The following ASPH variants were observed in gnomAD, a reference collection of about 807,000 sequenced individuals.
The protein encoded by ASPH is aspartate beta-hydroxylase, also known as aspartyl/asparaginyl beta-hydroxylase.
A neutral mutation model predicts 118.4 loss-of-function variants in ASPH; 100 were observed. The observed-to-expected ratio is 0.84, with a 90% confidence interval of 0.72 to 1.00. ASPH has a LOEUF of 1.00. ASPH is among the 50% of genes least tolerant of loss of function. ASPH has a pLI of 0.00. For missense variants in ASPH, 920 were observed against 919.5 expected, an observed-to-expected ratio of 1.00 and a Z score of -0.01; for synonymous variants, 315 against 325.6, an observed-to-expected ratio of 0.97 and a Z score of 0.35.
At chr8:61,566,554 T>C (rs1354900521) in intron 17 of ASPH, among the ~76,000 whole-genome samples, 1 of 152,250 alleles carries the variant, frequency 6.6e-6, no homozygotes, top group Non-Finnish European at 1.5e-5. Context: ...TGAAAAAAGT[T>C]CTGTAGGCAA....
chr8:61,713,393 C>T (rs1260809845), intron 1 of ASPH, among the ~76,000 whole-genome samples: 1 of 152,170 alleles, frequency 6.6e-6, no homozygotes, highest in Non-Finnish European at 1.5e-5. Flanking sequence ...GATTCATTTT[C>T]TTGGTATATT....
chr8:61,665,549 T>C, intron 3 of ASPH: 1 of 1,589,220 alleles, frequency 6.3e-7, no homozygotes, highest in Non-Finnish European at 8.6e-7. Flanking sequence ...CTTACTTTCC[T>C]TCCTTGACTC....
chr8:61,622,171 C>T (rs1444955261), intron 13 of ASPH, among the ~76,000 whole-genome samples: 1 of 152,112 alleles, frequency 6.6e-6, no homozygotes, highest in Non-Finnish European at 1.5e-5. Context: ...AACCCTGTCT[C>T]TACTAAAAAT....
In ASPH at chr8:61,567,055, TA is replaced by T. The variant is rs1323552576; in HGVS notation, c.1300+112del. The T allele has an allele frequency of 2.3e-6, 3 of 1,327,796 alleles. No individual in the cohort carries two copies. In the African/African-American group the frequency reaches 4.4e-5, roughly 20 times the overall value. The allele number at this position is 1,327,796 out of a possible 1,614,324, so 82.3% of individuals were successfully genotyped here. ...CAGACACATTACTTGAAATCAGTTG[TA>T]AAACTCAGGTTTTCTCCCACGTAAT... On this transcript the variant is annotated intron_variant, in intron 17 of 24. Coordinates refer to ENST00000379454, the MANE Select transcript of ASPH (RefSeq NM_004318.4).
intron 3 of ASPH, among the ~76,000 whole-genome samples, chr8:61,654,764 A>G (rs1433935532): frequency 2.6e-5 from 4 of 152,176 alleles, no homozygotes; most frequent in Non-Finnish European, 5.9e-5. Flanking sequence ...CATTTGCAAC[A>G]CTATTTCCAC....
At chr8:61,521,491 A>C (rs1403171070) in intron 22 of ASPH, among the ~76,000 whole-genome samples, 1 of 152,228 alleles carries the variant, frequency 6.6e-6, no homozygotes, top group Non-Finnish European at 1.5e-5. Flanking sequence ...ACAGCTAACA[A>C]GCGGTGCATC....
chr8:61,697,831 C>T (rs534065043), intron 1 of ASPH, among the ~76,000 whole-genome samples: 1 of 152,084 alleles, frequency 6.6e-6, no homozygotes, highest in Admixed American at 6.5e-5. Context: ...CTGTGTTTCC[C>T]GGGCTGGAGT....
At chr8:61,533,973 G>A (rs77004079) in intron 21 of ASPH, among the ~76,000 whole-genome samples, 2,899 of 152,254 alleles carry the variant, frequency 0.019, 89 homozygotes, top group African/African-American at 0.065. Flanking sequence ...TTGAGACAGA[G>A]TTTTGCTCTT....
At chr8:61,535,209 T>C (rs1819051952) in intron 21 of ASPH, among the ~76,000 whole-genome samples, 1 of 152,208 alleles carries the variant, frequency 6.6e-6, no homozygotes, top group Non-Finnish European at 1.5e-5. Flanking sequence ...GAAGCAACAG[T>C]TCAGCCCATA....
chr8:61,588,732 G>A (rs115077715), intron 14 of ASPH, among the ~76,000 whole-genome samples: 2,602 of 152,164 alleles, frequency 0.017, 83 homozygotes, highest in African/African-American at 0.06. Context: ...AAATTCACTG[G>A]GATGCCCTCC....
intron 3 of ASPH, chr8:61,663,113 C>A (rs1002354490): frequency 1.7e-4 from 172 of 985,232 alleles, no homozygotes; most frequent in Admixed American, 2.5e-4. Flanking sequence ...GAGAAAAGAT[C>A]TAACACGGGG....
chr8:61,684,040 T>C lies in ASPH; in HGVS notation c.252A>G (p.Leu84=), dbSNP rs1343073193. The C allele has an allele frequency of 9.3e-6, 15 of 1,613,234 alleles. No homozygotes were observed. The highest frequency in any genetic ancestry group is 1.7e-5 in the Admixed American group (1 of 59,904). The change falls in exon 2 of 25, where the codon CTA becomes CTG. Residue 84 remains leucine, a splice_region_variant and synonymous_variant. Transcript: ENST00000379454. ...WFDLVDYEEV[L]GKLGIYDADG... ...ACATAAGGATATCAAAATTCTTACC[T>C]AGAACTTCCTCATAGTCAACAAGAT...
chr8:61,666,450 A>G (rs1339544077), intron 3 of ASPH, among the ~76,000 whole-genome samples: 1 of 152,212 alleles, frequency 6.6e-6, no homozygotes, highest in African/African-American at 2.4e-5. Flanking sequence ...GGTGTTTGCA[A>G]TGCCACATTT....
chr8:61,566,731 G>C (rs1831821145), intron 17 of ASPH, among the ~76,000 whole-genome samples: 1 of 152,204 alleles, frequency 6.6e-6, no homozygotes, highest in Non-Finnish European at 1.5e-5. Context: ...ATTGAGGCAA[G>C]ACCCTCCATC....
Position 61,676,337 on chromosome 8 carries a change from A to G in ASPH, c.322+4631T>C, listed in dbSNP as rs752835089. On this transcript the variant is annotated intron_variant, in intron 3 of 24. Coordinates refer to ENST00000379454, the MANE Select transcript of ASPH (RefSeq NM_004318.4). ...GGTCAGGCCTACATAAGAATAAAGG[A>G]AGAGAGAGAGAAAATAAGGAGAGCA... 8 of 1,561,970 alleles carry G rather than the reference A, an allele frequency of 5.1e-6. No homozygotes were observed. The South Asian group carries it at 8.2e-5, about 16-fold the overall frequency.
At position 61,681,069 on chromosome 8, in the gene ASPH, T is replaced by G. The variant is rs1407398825; in HGVS notation, c.254-33A>C. The G allele has an allele frequency of 7.9e-6, 12 of 1,515,408 alleles. 1 individual carries two copies. In the Admixed American group the frequency reaches 8.4e-5, roughly 11 times the overall value. The allele number at this position is 1,515,408 out of a possible 1,614,324, so 93.9% of individuals were successfully genotyped here. A position where few individuals can be genotyped will look rare whatever the true frequency, so the allele number is the denominator to read the frequency against. On this transcript the variant is annotated intron_variant, in intron 2 of 24. Coordinates refer to ENST00000379454, the MANE Select transcript of ASPH (RefSeq NM_004318.4). ...AGGGCAGAAATGATGGATATGGGAA[T>G]AAAAAAGAAAAGAAATTTAATAAGG...
At chr8:61,592,768 T>C (rs930145281) in intron 14 of ASPH, among the ~76,000 whole-genome samples, 5 of 152,234 alleles carry the variant, frequency 3.3e-5, no homozygotes. Context: ...GACCCCTGCT[T>C]ATTTTAATCT....
intron 17 of ASPH, among the ~76,000 whole-genome samples, chr8:61,563,284 C>G (rs1346507656): frequency 6.6e-6 from 1 of 152,064 alleles, no homozygotes; most frequent in African/African-American, 2.4e-5. Flanking sequence ...ACTTCAGGGT[C>G]TAGCACCCTG....
At chr8:61,577,398 G>GAAA (rs1835595339) in intron 15 of ASPH, among the ~76,000 whole-genome samples, 2 of 16,334 alleles carry the variant, frequency 1.2e-4, no homozygotes, top group Non-Finnish European at 2.1e-4. Context: ...GCCCAATCTC[G>GAAA]CAAAAAAAAA....
Sources: allele counts gnomAD v4.1 joint callset (sites outside exome capture counted in the v4.1 genomes callset), GRCh38; gene constraint gnomAD v4.1.1; transcripts MANE v1.5; gene names NCBI Gene and HGNC (gene_info 2026-07-23, HGNC 2026-07-21).